The following PJA2 variants were observed in gnomAD, a reference collection of about 807,000 sequenced individuals.
PJA2 encodes the protein E3 ubiquitin-protein ligase Praja-2.
Under a neutral mutation model 69.3 loss-of-function variants are expected in PJA2, and 25 were observed. The observed-to-expected ratio is 0.36, with a 90% confidence interval of 0.26 to 0.50. The LOEUF is 0.50. Ranked by LOEUF, PJA2 falls within the 20% of genes least tolerant of loss-of-function variation. PJA2 has a pLI of 0.96. For synonymous variants in PJA2, 308 were observed against 277.8 expected (o/e 1.11, Z -1.08); for missense variants, 809 against 830.2 (o/e 0.97, Z 0.31).
chr5:109,389,959 T>A (rs1747243659), intron 1 of PJA2, among the ~76,000 whole-genome samples: 1 of 151,746 alleles, frequency 6.6e-6, no homozygotes, highest in Non-Finnish European at 1.5e-5. Context: ...TCAGAAAACA[T>A]GCATTGTATG....
chr5:109,367,377 G>T (rs1762602679), intron 5 of PJA2, among the ~76,000 whole-genome samples: 1 of 150,456 alleles, frequency 6.6e-6, no homozygotes, highest in African/African-American at 2.4e-5. Flanking sequence ...AGTCTACACT[G>T]AAAAAGTTCT....
In PJA2 at chr5:109,344,723, C is replaced by T; in HGVS notation, c.1861G>A (p.Val621Ile). ...ESIDGLPETL[V>I]LEDHTAIGQE... is the part of the protein sequence containing the mutation. ...CCCTTACCAGTGTGATCTTCAAGAA[C>T]AAGGGTCTCTGGAAGACCATCAATG... Residue 621 changes from valine to isoleucine, a missense_variant, in exon 8 of 10, where the codon GTT becomes ATT. Coordinates refer to ENST00000361189, the MANE Select transcript of PJA2 (RefSeq NM_014819.5). 1 of 1,613,268 alleles carries T rather than the reference C, an allele frequency of 6.2e-7. No individual in the cohort carries two copies. The highest frequency in any genetic ancestry group is 8.5e-7 in the Non-Finnish European group (1 of 1,179,424).
chr5:109,391,490 T>G (rs1747280705), intron 1 of PJA2, among the ~76,000 whole-genome samples: 1 of 152,140 alleles, frequency 6.6e-6, no homozygotes, highest in African/African-American at 2.4e-5. Flanking sequence ...AGACACCTTT[T>G]TTTTTTCTTT....
At chr5:109,342,265 C>T (rs868288118) in intron 9 of PJA2, among the ~76,000 whole-genome samples, 2,330 of 19,112 alleles carry the variant, frequency 0.12, 8 homozygotes, top group Admixed American at 0.16. Context: ...TCTGCCCGGC[C>T]GCCCCTACTG....
intron 9 of PJA2, among the ~76,000 whole-genome samples, chr5:109,343,432 G>C (rs1258982358): frequency 6.7e-6 from 1 of 149,218 alleles, no homozygotes; most frequent in Non-Finnish European, 1.5e-5. Context: ...GAGCTACTTG[G>C]TAGGTTATTA....
In PJA2 at chr5:109,337,647, C is replaced by T. The variant is rs1348865130; in HGVS notation, c.2002-291G>A. Among the ~76,000 whole-genome samples the T allele has an allele frequency of 5.3e-5, 8 of 152,230 alleles. No individual in the cohort carries two copies. In the East Asian group the frequency reaches 1.5e-3, roughly 29 times the overall value. The stretch of plus-strand genomic sequence containing the variant: ...TTTAATTAAGAGCTGCTAAACTCAG[C>T]AGTGATGCAATGGCAGAGGGTGAGC... On this transcript the variant is annotated intron_variant, in intron 9 of 9. Transcript: ENST00000361189.
chr5:109,398,283 C>A (rs895565929), intron 1 of PJA2, among the ~76,000 whole-genome samples: 1 of 152,076 alleles, frequency 6.6e-6, no homozygotes, highest in African/African-American at 2.4e-5. Context: ...TGGGTATATA[C>A]CCAAAGGATT....
At chr5:109,354,634 T>A (rs1762379768) in intron 7 of PJA2, among the ~76,000 whole-genome samples, 1 of 145,910 alleles carries the variant, frequency 6.9e-6, no homozygotes, top group Non-Finnish European at 1.5e-5. Context: ...ATTAGATATA[T>A]TAGATATATG....
At chr5:109,372,901 G>A (rs1328701447) in intron 4 of PJA2, among the ~76,000 whole-genome samples, 11 of 7,362 alleles carry the variant, frequency 1.5e-3, no homozygotes, top group Admixed American at 7.8e-3. Flanking sequence ...GCAACACTCC[G>A]TCTCAAAAAA....
intron 1 of PJA2, among the ~76,000 whole-genome samples, chr5:109,394,220 G>GT (rs1234200064): frequency 6.6e-6 from 1 of 151,682 alleles, no homozygotes; most frequent in African/African-American, 2.4e-5. Flanking sequence ...GATAATTTTT[G>GT]TATTTTTAGT....
chr5:109,400,068 T>A (rs1460453512), intron 1 of PJA2, among the ~76,000 whole-genome samples: 31 of 151,826 alleles, frequency 2.0e-4, no homozygotes, highest in Admixed American at 2.0e-3. Flanking sequence ...GATGGGTGGA[T>A]CACTTTAGGT....
intron 2 of PJA2, 76 bp from the exon 3 acceptor site, chr5:109,381,779 TCA>T: frequency 8.5e-7 from 1 of 1,180,596 alleles, no homozygotes; most frequent in Non-Finnish European, 1.2e-6. Context: ...GAAAACTACT[TCA>T]GTTTATATTT....
chr5:109,352,851 T>G (rs999874809), intron 7 of PJA2, among the ~76,000 whole-genome samples: 6 of 150,470 alleles, frequency 4.0e-5, no homozygotes, highest in African/African-American at 1.5e-4. Flanking sequence ...ATTAGATATC[T>G]ACAATATCAT....
At position 109,399,801 on chromosome 5, in the gene PJA2, T is replaced by A. The variant is rs547458933; in HGVS notation, c.-88+10041A>T. On this transcript the variant is annotated intron_variant, in intron 1 of 9. Coordinates refer to ENST00000361189, the MANE Select transcript of PJA2 (RefSeq NM_014819.5). Reference sequence around the variant, plus strand: ...CCAGATAAAGCAATTAACAGAATTATCAGAGAAGAAAATTAAAATAACTAT... The same window carrying A: ...CCAGATAAAGCAATTAACAGAATTAACAGAGAAGAAAATTAAAATAACTAT... 1.8e-4 allele frequency among the ~76,000 whole-genome samples: 27 copies of A among 152,214 alleles called. 1 individual carries two copies. The highest frequency in any genetic ancestry group is 1.4e-3 in the East Asian group (7 of 5,180).
At chr5:109,392,226 G>A (rs1747297686) in intron 1 of PJA2, among the ~76,000 whole-genome samples, 1 of 152,108 alleles carries the variant, frequency 6.6e-6, no homozygotes, top group East Asian at 1.9e-4. Context: ...AGGCTTGTTA[G>A]GGAATAGGCA....
At chr5:109,368,172 T>C (rs1762616923) in intron 5 of PJA2, among the ~76,000 whole-genome samples, 1 of 152,212 alleles carries the variant, frequency 6.6e-6, no homozygotes, top group Non-Finnish European at 1.5e-5. Flanking sequence ...TAGACAAGAA[T>C]ATGAACACTA....
rs1554054555 is a variant in PJA2 at position 109,372,923 on chromosome 5, A to AG, written c.1284-4178_1284-4177insC. Among the ~76,000 whole-genome samples, 29 of 136,884 alleles carry AG rather than the reference A, an allele frequency of 2.1e-4. No individual in the cohort carries two copies. In the South Asian group the frequency reaches 2.4e-3, roughly 11 times the overall value. 89.8% of individuals were successfully genotyped at this position (136,884 alleles called of 152,430 possible). A position where few individuals can be genotyped will look rare whatever the true frequency, so the allele number is the denominator to read the frequency against. ...TCCGTCTCAAAAAAAAAAAAAAAAA[A>AG]AAAGAAAGAAAGAAAAAAAAATTAG... On this transcript the variant is annotated intron_variant, in intron 4 of 9. Transcript: ENST00000361189.
chr5:109,339,390 A>G (rs898709522), intron 9 of PJA2, among the ~76,000 whole-genome samples: 5 of 152,224 alleles, frequency 3.3e-5, no homozygotes, highest in Non-Finnish European at 5.9e-5. Context: ...CTTGACCACT[A>G]CATAACCTAT....
At chr5:109,404,665 C>T (rs944227258) in intron 1 of PJA2, among the ~76,000 whole-genome samples, 3 of 152,108 alleles carry the variant, frequency 2.0e-5, no homozygotes, top group Admixed American at 6.5e-5. Flanking sequence ...TCTCATACGG[C>T]ATAAGGGGAT....
Sources: allele counts gnomAD v4.1 joint callset (sites outside exome capture counted in the v4.1 genomes callset), GRCh38; gene constraint gnomAD v4.1.1; transcripts MANE v1.5; gene names NCBI Gene and HGNC (gene_info 2026-07-23, HGNC 2026-07-21).